Variants in DNAH11 observed in about 807,000 individuals in gnomAD.
DNAH11 encodes axonemal beta dynein heavy chain 11.
Under a neutral mutation model 526.0 loss-of-function variants are expected in DNAH11, and 442 were observed. The observed-to-expected ratio is 0.84, with a 90% CI of 0.78 to 0.91. The LOEUF (loss-of-function observed/expected upper bound fraction) is 0.91. Among genes scored for constraint, DNAH11 ranks in the 40% least tolerant of loss-of-function variants. The pLI, the probability that DNAH11 is intolerant of heterozygous loss-of-function variation, is 0.00. For synonymous variants in DNAH11, 2,461 were observed against 1,935.9 expected (o/e 1.27, Z -7.12); for missense variants, 6,989 against 5,448.7 (o/e 1.28, Z -8.90).
chr7:21,558,897 G>A lies in DNAH11; in HGVS notation c.591G>A (p.Lys197=). ...AATATCACATAGAAGTCATGAAAAA[G>A]AAGATGTATATTTTTAGGGGCAAAA... is the stretch of plus-strand genomic sequence containing the variant. ...DMEYHIEVMK[K]KMYIFRGKMS... Residue 197 remains lysine, a synonymous_variant, in exon 3 of 82, where the codon AAG becomes AAA. Coordinates refer to ENST00000409508, the MANE Select transcript of DNAH11 (RefSeq NM_001277115.2). The A allele has an allele frequency of 6.2e-7, 1 of 1,605,298 alleles. No homozygotes were observed. Among genetic ancestry groups the A allele is most frequent in the South Asian group, 1.1e-5 (1 of 89,206 alleles).
Position 21,866,665 on chromosome 7 carries a change from T to C in DNAH11, c.11690+2T>C. 1.2e-6 allele frequency: 2 copies of C among 1,603,322 alleles called. No homozygotes were observed. The highest frequency in any genetic ancestry group is 2.7e-5 in the African/African-American group (2 of 74,408). On this transcript the variant is annotated splice_donor_variant, in intron 71 of 81. Transcript: ENST00000409508. LOFTEE classifies it high-confidence loss of function. ...TGACAGAATGACGTATGCTCTCAGG[T>C]GGGGTGGTCAGCATTTTTGGAAACA...
rs1299458992 is a variant in DNAH11, at chr7:21,698,172, A to G, written c.6139A>G (p.Ile2047Val). ...VDARALARKF[I>V]TLYTLCKELL... ...TGCGCGTGCATTAGCCCGAAAGTTCATTACGTTGTACACGCTTTGCAAGGA... is the reference window on the plus strand; with the variant it reads ...TGCGCGTGCATTAGCCCGAAAGTTCGTTACGTTGTACACGCTTTGCAAGGA... The change falls in exon 36 of 82, where the codon ATT becomes GTT. Residue 2047 changes from isoleucine to valine, a missense_variant. Physicochemically the swap from Ile to Val is conservative, Grantham distance 29. Transcript: ENST00000409508. 2 of 1,613,688 alleles carry G rather than the reference A, an allele frequency of 1.2e-6. No homozygotes were observed. The highest frequency in any genetic ancestry group is 1.3e-5 in the African/African-American group (1 of 75,022).
chr7:21,698,882 C>T (rs1220354248), intron 36 of DNAH11, among the ~76,000 whole-genome samples: 1 of 152,106 alleles, frequency 6.6e-6, no homozygotes, highest in African/African-American at 2.4e-5. Context: ...ACTAAAACTA[C>T]CATTTCATTT....
At chr7:21,589,677 A>G (rs764891752) in intron 12 of DNAH11, among the ~76,000 whole-genome samples, 32 of 152,068 alleles carry the variant, frequency 2.1e-4, no homozygotes, top group Non-Finnish European at 4.3e-4. Flanking sequence ...TTGCATCTTT[A>G]TGCTCTATGT....
At chr7:21,674,443 T>G (rs1782781380) in intron 30 of DNAH11, among the ~76,000 whole-genome samples, 1 of 151,638 alleles carries the variant, frequency 6.6e-6, no homozygotes, top group African/African-American at 2.4e-5. Context: ...TCACTGCAAC[T>G]TCTGCCTCCC....
intron 56 of DNAH11, among the ~76,000 whole-genome samples, chr7:21,775,626 AAC>A (rs1554279759): frequency 6.6e-5 from 10 of 151,722 alleles, no homozygotes; most frequent in South Asian, 2.1e-4. Context: ...AAAAAAAAAA[AAC>A]AAGTCTGTCT....
intron 74 of DNAH11, among the ~76,000 whole-genome samples, chr7:21,874,276 C>T (rs563844107): frequency 6.6e-6 from 1 of 151,508 alleles, no homozygotes; most frequent in Non-Finnish European, 1.5e-5. Context: ...TCTATGACAC[C>T]TTATTTATAT....
chr7:21,552,115 G>T (rs1363009496), intron 2 of DNAH11, among the ~76,000 whole-genome samples: 1 of 152,036 alleles, frequency 6.6e-6, no homozygotes, highest in Non-Finnish European at 1.5e-5. Context: ...TCCCTCCCCA[G>T]GTTTGAATGA....
intron 45 of DNAH11, among the ~76,000 whole-genome samples, chr7:21,727,083 G>A (rs190589688): frequency 3.5e-4 from 52 of 149,970 alleles, no homozygotes; most frequent in African/African-American, 1.0e-3. Flanking sequence ...ACAGGTGCCC[G>A]CCACCACGCC....
chr7:21,745,275 T>C (rs1028873834), intron 51 of DNAH11, among the ~76,000 whole-genome samples: 8 of 152,174 alleles, frequency 5.3e-5, no homozygotes, highest in Admixed American at 3.3e-4. Context: ...GATGCCATCA[T>C]ATCCATTATT....
At chr7:21,670,743 A>G (rs549495283) in intron 30 of DNAH11, among the ~76,000 whole-genome samples, 1 of 152,158 alleles carries the variant, frequency 6.6e-6, no homozygotes, top group Non-Finnish European at 1.5e-5. Context: ...ATCAGCATTG[A>G]GCTTTCTCCA....
At chr7:21,629,144 C>G (rs966745910) in intron 25 of DNAH11, among the ~76,000 whole-genome samples, 2 of 151,936 alleles carry the variant, frequency 1.3e-5, no homozygotes, top group African/African-American at 4.8e-5. Flanking sequence ...ACATTTGCTT[C>G]TTAATTTCTT....
intron 45 of DNAH11, among the ~76,000 whole-genome samples, chr7:21,731,210 A>G (rs1279413825): frequency 6.6e-6 from 1 of 152,184 alleles, no homozygotes; most frequent in South Asian, 2.1e-4. Context: ...TGTACAATAT[A>G]TACATATTTC....
intron 53 of DNAH11, 30 bp downstream of exon 53, chr7:21,749,831 T>A: frequency 6.2e-7 from 1 of 1,611,508 alleles, no homozygotes; most frequent in Non-Finnish European, 8.5e-7. Flanking sequence ...TCTTGAAAGA[T>A]CTTCCCCAAT....
At chr7:21,817,084 C>G (rs1028286243) in intron 64 of DNAH11, among the ~76,000 whole-genome samples, 1 of 152,098 alleles carries the variant, frequency 6.6e-6, no homozygotes, top group Non-Finnish European at 1.5e-5. Flanking sequence ...ATTTCTAAAT[C>G]TATACTCCGC....
chr7:21,619,979 C>T lies in DNAH11; in HGVS notation c.4401C>T (p.Thr1467=), dbSNP rs769796760. 4.2e-5 allele frequency: 68 copies of T among 1,603,926 alleles called. No individual in the cohort carries two copies. The highest frequency in any genetic ancestry group is 5.5e-5 in the Non-Finnish European group (65 of 1,176,578). ...TEKVITEISQ[T]WATMKFSYEV... is the part of the protein sequence containing the mutation. Reference sequence around the variant, plus strand: ...AGGTTATTACTGAAATCAGTCAGACCTGGGCAACCATGAAGTTTTCTTACG... The same window carrying T: ...AGGTTATTACTGAAATCAGTCAGACTTGGGCAACCATGAAGTTTTCTTACG... Residue 1467 remains threonine (T), a synonymous_variant, in exon 25 of 82, where the codon ACC becomes ACT. Transcript: ENST00000409508.
At position 21,581,938 on chromosome 7, in the gene DNAH11, A is replaced by C. The variant is rs1333503117; in HGVS notation, c.1627A>C (p.Lys543Gln). 5 of 1,612,894 alleles carry C rather than the reference A, an allele frequency of 3.1e-6. No homozygotes were observed. In the African/African-American group the frequency reaches 6.7e-5, roughly 22 times the overall value. The change falls in exon 9 of 82, where the codon AAA (lysine) becomes CAA (glutamine). Residue 543 changes from lysine (K) to glutamine (Q), a missense_variant. Lys to Gln is a moderately conservative substitution (Grantham distance 53). Transcript: ENST00000409508. Reference protein sequence around the residue: ...FESDYVAFKSKTLEFDRRLGT... With the variant: ...FESDYVAFKSQTLEFDRRLGT... ...AAGTGATTATGTGGCATTTAAGTCC[A>C]AAACTCTGGAATTTGACAGAAGGCT...
At chr7:21,809,222 CG>C (rs1446147602) in intron 63 of DNAH11, among the ~76,000 whole-genome samples, 2 of 152,206 alleles carry the variant, frequency 1.3e-5, no homozygotes, top group East Asian at 3.9e-4. Flanking sequence ...GTCCATTTTA[CG>C]ATCAAGTTTT....
chr7:21,684,040 C>T (rs530952861), intron 32 of DNAH11, 96 bp downstream of exon 32: 1 of 1,287,086 alleles, frequency 7.8e-7, no homozygotes, highest in South Asian at 1.4e-5. Flanking sequence ...AAACGATGAA[C>T]AATGAACTAT....
Sources: gnomAD v4.1 joint callset for allele counts (sites outside exome capture counted in the v4.1 genomes callset) on GRCh38, gnomAD v4.1.1 for gene constraint, MANE v1.5 for transcripts, NCBI Gene and HGNC (gene_info 2026-07-23, HGNC 2026-07-21) for gene names.